The following ANKRD31 variants were observed in gnomAD, a reference collection of about 807,000 sequenced individuals.
The protein encoded by ANKRD31 is ankyrin repeat domain 31.
In ANKRD31, 147 loss-of-function variants were observed where a neutral mutation model predicts 186.0. The observed-to-expected ratio is 0.79, with a 90% CI of 0.69 to 0.91. ANKRD31 has a LOEUF of 0.91. ANKRD31 is among the 40% of genes least tolerant of loss of function. ANKRD31 has a pLI of 0.00. For synonymous variants in ANKRD31, 673 were observed against 736.4 expected, an observed-to-expected ratio of 0.91 and a Z score of 1.39; for missense variants, 1,986 against 2,148.8, an observed-to-expected ratio of 0.92 and a Z score of 1.50.
intron 4 of ANKRD31, among the ~76,000 whole-genome samples, chr5:75,209,405 G>A (rs750105044): frequency 7.9e-5 from 12 of 152,054 alleles, no homozygotes; most frequent in African/African-American, 2.9e-4. Flanking sequence ...GGCTGCACAC[G>A]GTGGCTCATG....
intron 3 of ANKRD31, among the ~76,000 whole-genome samples, chr5:75,212,016 C>T (rs899799157): frequency 6.6e-6 from 1 of 151,882 alleles, no homozygotes. Flanking sequence ...CTTTTGTTGC[C>T]TGTGCTTTTG....
At chr5:75,127,897 A>G (rs899182621) in intron 17 of ANKRD31, among the ~76,000 whole-genome samples, 2 of 152,214 alleles carry the variant, frequency 1.3e-5, no homozygotes, top group Non-Finnish European at 2.9e-5. Context: ...ATTTTGATAT[A>G]ATGATAAATG....
At chr5:75,090,510 G>A (rs1424229174) in intron 23 of ANKRD31, among the ~76,000 whole-genome samples, 1 of 152,168 alleles carries the variant, frequency 6.6e-6, no homozygotes, top group Non-Finnish European at 1.5e-5. Context: ...CCTATTACTG[G>A]TACACTGAGG....
intron 2 of ANKRD31, 124 bp from the exon 3 acceptor site, chr5:75,222,482 T>C (rs1757363426): frequency 1.0e-5 from 7 of 699,982 alleles, no homozygotes; most frequent in East Asian, 5.8e-5. Flanking sequence ...ATTTCTTTTT[T>C]CATTTCTTCT....
chr5:75,128,670 A>ATTT (rs11334083), intron 17 of ANKRD31, among the ~76,000 whole-genome samples: 1 of 138,180 alleles, frequency 7.2e-6, no homozygotes, highest in African/African-American at 2.7e-5. Flanking sequence ...TTCCCAGCTA[A>ATTT]TTTTTTTTTT....
At chr5:75,213,377 G>A (rs1756768714) in intron 3 of ANKRD31, among the ~76,000 whole-genome samples, 1 of 152,200 alleles carries the variant, frequency 6.6e-6, no homozygotes, top group South Asian at 2.1e-4. Context: ...CTGGGCTCAA[G>A]CTATCTGCCC....
chr5:75,147,614 C>A, intron 13 of ANKRD31, 109 bp from the exon 14 acceptor site: 1 of 832,298 alleles, frequency 1.2e-6, no homozygotes, highest in South Asian at 2.5e-5. Flanking sequence ...CTATTATTTT[C>A]TAATTCAATC....
chr5:75,102,863 G>T (rs113021945), intron 22 of ANKRD31, among the ~76,000 whole-genome samples: 1 of 152,114 alleles, frequency 6.6e-6, no homozygotes, highest in Non-Finnish European at 1.5e-5. Flanking sequence ...GGGAATTCCC[G>T]GACCCCTTGC....
At chr5:75,214,387 G>A (rs1417881343) in intron 3 of ANKRD31, among the ~76,000 whole-genome samples, 2 of 152,188 alleles carry the variant, frequency 1.3e-5, no homozygotes, top group Non-Finnish European at 2.9e-5. Context: ...TAAAGAGCCA[G>A]GAAAAGTATA....
intron 1 of ANKRD31, among the ~76,000 whole-genome samples, chr5:75,236,292 G>A (rs1758270597): frequency 6.6e-6 from 1 of 151,966 alleles, no homozygotes; most frequent in African/African-American, 2.4e-5. Flanking sequence ...GATCTTTTTT[G>A]CTTGTGCAAA....
chr5:75,232,540 G>A (rs1316516454), intron 1 of ANKRD31, among the ~76,000 whole-genome samples: 2 of 150,182 alleles, frequency 1.3e-5, no homozygotes, highest in African/African-American at 2.5e-5. Flanking sequence ...AGCTGTGAGC[G>A]ACTGCACCCA....
At chr5:75,152,341 C>T (rs1475007119) in intron 12 of ANKRD31, among the ~76,000 whole-genome samples, 1 of 152,008 alleles carries the variant, frequency 6.6e-6, no homozygotes, top group Non-Finnish European at 1.5e-5. Flanking sequence ...GATAGGTTTC[C>T]ACCGCCAGCC....
rs200342693 is a variant in ANKRD31 at position 75,176,845 on chromosome 5, C to T, written c.1565-7724G>A. Reference sequence around the variant, plus strand: ...GAGTGCCTCTCCTCCTCTAAAGGAACGCAGCTCCTCACCAGCAATGGAACA... The same window carrying T: ...GAGTGCCTCTCCTCCTCTAAAGGAATGCAGCTCCTCACCAGCAATGGAACA... On this transcript the variant is annotated intron_variant, in intron 10 of 25. Coordinates refer to ENST00000506364, the MANE Select transcript of ANKRD31 (RefSeq NM_001372053.1). Among the ~76,000 whole-genome samples, 129 of 148,784 alleles carry T rather than the reference C, an allele frequency of 8.7e-4. No individual in the cohort carries two copies. In the South Asian group the frequency reaches 9.8e-3, roughly 11 times the overall value.
chr5:75,224,155 A>ATATATG (rs1205612822), intron 2 of ANKRD31, among the ~76,000 whole-genome samples: 1 of 51,804 alleles, frequency 1.9e-5, no homozygotes, highest in Admixed American at 1.9e-4. Flanking sequence ...ATATATATAT[A>ATATATG]TATATGTATA....
At chr5:75,076,513 C>T (rs1239029009) in intron 25 of ANKRD31, among the ~76,000 whole-genome samples, 1 of 152,202 alleles carries the variant, frequency 6.6e-6, no homozygotes, top group Admixed American at 6.5e-5. Context: ...CTCCCAGCAC[C>T]CTGATGTGTT....
At chr5:75,230,718 C>A (rs1199958130) in intron 1 of ANKRD31, 83 bp from the exon 2 acceptor site, 14 of 994,250 alleles carry the variant, frequency 1.4e-5, no homozygotes, top group Non-Finnish European at 1.8e-5. Context: ...TTTTATTATA[C>A]CAAAACTTGC....
intron 9 of ANKRD31, among the ~76,000 whole-genome samples, chr5:75,191,407 T>C (rs1755099349): frequency 6.6e-6 from 1 of 152,110 alleles, no homozygotes; most frequent in South Asian, 2.1e-4. Context: ...CTTTCTAATA[T>C]GCTCTCATAC....
chr5:75,172,609 C>T (rs573308702), intron 10 of ANKRD31, among the ~76,000 whole-genome samples: 2 of 152,264 alleles, frequency 1.3e-5, no homozygotes. Context: ...ACTATAAACA[C>T]CTCTACGCAA....
Position 75,116,617 on chromosome 5 carries a change from AAT to A in ANKRD31, c.4102_4103del (p.Ile1368Ter), listed in dbSNP as rs1247139799. On this transcript the variant is annotated frameshift_variant, in exon 19 of 26. Transcript: ENST00000506364. LOFTEE classifies it high-confidence loss of function. ...CTTGGTGTGAAAGGGAAGATGAGTC[AAT>A]AGTTTTGCCATCATCACAAAAACAC... Reference protein sequence around the residue: ...KQCFCDDGKTIDSSSLSHQER... With the variant: ...KQCFCDDGKTXDSSSLSHQER... 4 of 1,476,752 alleles carry A rather than the reference AAT, an allele frequency of 2.7e-6. No individual in the cohort carries two copies. Among genetic ancestry groups the A allele is most frequent in the Non-Finnish European group, 3.6e-6 (4 of 1,109,370 alleles). 91.5% of individuals were successfully genotyped at this position (1,476,752 alleles called of 1,614,324 possible).
Sources: allele counts gnomAD v4.1 joint callset (sites outside exome capture counted in the v4.1 genomes callset), GRCh38; gene constraint gnomAD v4.1.1; transcripts MANE v1.5; gene names NCBI Gene and HGNC (gene_info 2026-07-23, HGNC 2026-07-21).